Variants in TEX50 observed in about 807,000 individuals in gnomAD.
TEX50 encodes testis expressed 50.
Under a neutral mutation model 9.8 loss-of-function variants are expected in TEX50, and 3 were observed. That is an observed-to-expected ratio of 0.31 (90% confidence interval 0.14 to 0.79). TEX50 has a LOEUF of 0.79. Among genes scored for constraint, TEX50 ranks in the 30% least tolerant of loss-of-function variants. The pLI, the probability that TEX50 is intolerant of heterozygous loss-of-function variation, is 0.63. For missense variants in TEX50, 164 were observed against 199.3 expected (o/e 0.82, Z 1.07); for synonymous variants, 61 against 72.1 (o/e 0.85, Z 0.78).
Position 173,637,054 on chromosome 1 carries a change from T to C in TEX50, c.*18T>C. ...GATACTAAATAAATGCATATGCAAATGTAGCTTAGTCAATTATAGATATCA... is the reference window on the plus strand; with the variant it reads ...GATACTAAATAAATGCATATGCAAACGTAGCTTAGTCAATTATAGATATCA... On this transcript the variant is annotated 3_prime_UTR_variant, in exon 2 of 2. Transcript: ENST00000417563. 7.1e-7 allele frequency: 1 copy of C among 1,415,678 alleles called. No individual in the cohort carries two copies. The highest frequency in any genetic ancestry group is 9.6e-7 in the Non-Finnish European group (1 of 1,039,298). The allele number at this position is 1,415,678 out of a possible 1,614,324, so 87.7% of individuals were successfully genotyped here.
intron 1 of TEX50, 90 bp downstream of exon 1, chr1:173,635,935 T>C (rs905338707): frequency 4.4e-5 from 43 of 985,912 alleles, no homozygotes; most frequent in Non-Finnish European, 4.8e-5. Context: ...GGGTACCGTG[T>C]TTTATTCCTC....
Position 173,635,760 on chromosome 1 carries a change from A to G in TEX50, c.239A>G (p.Tyr80Cys). 1.3e-6 allele frequency: 2 copies of G among 1,535,524 alleles called. No individual in the cohort carries two copies. Residue 80 changes from tyrosine to cysteine, a missense_variant, in exon 1 of 2, where the codon TAT becomes TGT. Transcript: ENST00000417563. ...DIFQGCLYLI[Y>C]NLLQAVFFVL... is the part of the protein sequence containing the mutation. The stretch of plus-strand genomic sequence containing the variant: ...TTTCAGGGTTGTTTATATCTCATTT[A>G]TAATTTATTACAAGCTGTCTTCTTC...
In TEX50 at chr1:173,635,725, C is replaced by A. The variant is rs768824207; in HGVS notation, c.204C>A (p.Asn68Lys). Residue 68 changes from asparagine to lysine, a missense_variant, in exon 1 of 2, where the codon AAC becomes AAA. By Grantham distance (94) the Asn-to-Lys change is moderately conservative (BLOSUM62 0). Around this residue, in one of 3 missense-constraint regions of TEX50, gnomAD observed 135 missense variants for 154.2 expected, o/e 0.88. Transcript: ENST00000417563. ...ATAAACTATGCTGCGACTTTGCTAA[C>A]ATGGATATATTTCAGGGTTGTTTAT... ...LLDKLCCDFA[N>K]MDIFQGCLYL... is the part of the protein sequence containing the mutation. The A allele has an allele frequency of 1.5e-5, 23 of 1,535,470 alleles. No homozygotes were observed. The African/African-American group carries it at 1.8e-4, about 12-fold the overall frequency.
At position 173,635,604 on chromosome 1, in the gene TEX50, C is replaced by A; in HGVS notation, c.83C>A (p.Thr28Asn). 2 of 1,535,524 alleles carry A rather than the reference C, an allele frequency of 1.3e-6. No individual in the cohort carries two copies. The highest frequency in any genetic ancestry group is 1.7e-6 in the Non-Finnish European group (2 of 1,146,556). Residue 28 changes from threonine (T) to asparagine (N), a missense_variant, in exon 1 of 2, where the codon ACT becomes AAT. Physicochemically the swap from Thr to Asn is moderately conservative, Grantham distance 65. Around this residue, in one of 3 missense-constraint regions of TEX50, gnomAD observed 5 missense variants for 23.1 expected, o/e 0.22. Transcript: ENST00000417563. ...FGESFCICDGTVWTKVGWEIL... is the reference protein window; with the variant it reads ...FGESFCICDGNVWTKVGWEIL... The stretch of plus-strand genomic sequence containing the variant: ...GAGAGTTTCTGCATTTGTGATGGAA[C>A]TGTCTGGACAAAGGTTGGATGGGAG...
rs770731893 is a variant in TEX50, at chr1:173,635,778, T to C, written c.257T>C (p.Val86Ala). The C allele has an allele frequency of 1.0e-4, 158 of 1,535,452 alleles. No homozygotes were observed. The highest frequency in any genetic ancestry group is 1.7e-4 in the Middle Eastern group (1 of 6,004). Residue 86 changes from valine (V) to alanine (A), a missense_variant, in exon 1 of 2, where the codon GTC (valine) becomes GCC (alanine). Physicochemically the swap from Val to Ala is moderately conservative, Grantham distance 64. This residue lies in a region of TEX50 where 135 missense variants were observed against 154.2 expected (regional missense o/e 0.88). Coordinates refer to ENST00000417563, the MANE Select transcript of TEX50 (RefSeq NM_001195190.3). ...LYLIYNLLQA[V>A]FFVLFVLSVH... ...CTCATTTATAATTTATTACAAGCTGTCTTCTTCGTCTTATTTGTTTTGTCT... is the reference window on the plus strand; with the variant it reads ...CTCATTTATAATTTATTACAAGCTGCCTTCTTCGTCTTATTTGTTTTGTCT...
intron 1 of TEX50, among the ~76,000 whole-genome samples, chr1:173,636,520 A>G (rs1032176148): frequency 1.3e-5 from 2 of 152,196 alleles, no homozygotes; most frequent in African/African-American, 2.4e-5. Context: ...GTTCTTTCAT[A>G]AACGAATACA....
chr1:173,635,410 T>G lies in TEX50; in HGVS notation c.-112T>G. ...CCATTTTAACTAATAGCTCCTGGTA[T>G]TTTCTGCTTCCCTTCGTAGGGAATT... On this transcript the variant is annotated 5_prime_UTR_variant, in exon 1 of 2. Transcript: ENST00000417563. The G allele has an allele frequency of 1.2e-6, 1 of 856,178 alleles. No homozygotes were observed. The highest frequency in any genetic ancestry group is 1.7e-6 in the Non-Finnish European group (1 of 574,964). 53.0% of individuals were successfully genotyped at this position (856,178 alleles called of 1,614,324 possible).
At chr1:173,635,906 T>G in intron 1 of TEX50, 61 bp downstream of exon 1, 2 of 1,237,306 alleles carry the variant, frequency 1.6e-6, no homozygotes, top group Non-Finnish European at 2.2e-6. Flanking sequence ...AACATAATAT[T>G]ACTAGTTTCT....
At position 173,635,576 on chromosome 1, in the gene TEX50, G is replaced by A. The variant is rs777619605; in HGVS notation, c.55G>A (p.Gly19Arg). The A allele has an allele frequency of 7.2e-6, 11 of 1,534,740 alleles. No individual in the cohort carries two copies. The highest frequency in any genetic ancestry group is 1.7e-4 in the Middle Eastern group (1 of 6,004). Residue 19 changes from glycine to arginine, a missense_variant, in exon 1 of 2, where the codon GGG becomes AGG. By Grantham distance (125) the Gly-to-Arg change is moderately radical. This residue lies in a region of TEX50 where 24 missense variants were observed against 22.0 expected (regional missense o/e 1.09). Coordinates refer to ENST00000417563, the MANE Select transcript of TEX50 (RefSeq NM_001195190.3). Reference protein sequence around the residue: ...IFSLLFICFFGESFCICDGTV... With the variant: ...IFSLLFICFFRESFCICDGTV... ...TTCTCTGTTGTTTATCTGCTTCTTC[G>A]GGGAGAGTTTCTGCATTTGTGATGG...
In TEX50 at chr1:173,635,532, A is replaced by G. The variant is rs1024513336; in HGVS notation, c.11A>G (p.Gln4Arg). The change falls in exon 1 of 2, where the codon CAA becomes CGA. Residue 4 changes from glutamine to arginine, a missense_variant. Physicochemically the swap from Gln to Arg is conservative, Grantham distance 43. Around this residue, in one of 3 missense-constraint regions of TEX50, gnomAD observed 24 missense variants for 22.0 expected, o/e 1.09. Coordinates refer to ENST00000417563, the MANE Select transcript of TEX50 (RefSeq NM_001195190.3). ...AATTGACAAAGAAGGATGTCTAATC[A>G]AAGACTACCGCTGATTTTTTCTCTG... MSN[Q>R]RLPLIFSLLF... 10 of 1,522,700 alleles carry G rather than the reference A, an allele frequency of 6.6e-6. No homozygotes were observed. Among genetic ancestry groups the G allele is most frequent in the Non-Finnish European group, 8.8e-6 (10 of 1,139,244 alleles). The allele number at this position is 1,522,700 out of a possible 1,614,324, so 94.3% of individuals were successfully genotyped here.
Position 173,635,438 on chromosome 1 carries a change from G to A in TEX50, c.-84G>A, listed in dbSNP as rs923217768. The A allele has an allele frequency of 9.8e-7, 1 of 1,017,064 alleles. No homozygotes were observed. The highest frequency in any genetic ancestry group is 1.4e-6 in the Non-Finnish European group (1 of 718,972). The allele number at this position is 1,017,064 out of a possible 1,614,324, so 63.0% of individuals were successfully genotyped here. On this transcript the variant is annotated 5_prime_UTR_variant, in exon 1 of 2. Transcript: ENST00000417563. ...TCTGCTTCCCTTCGTAGGGAATTTA[G>A]TTATTTTATTTTATTATTTAGCTAA...
At position 173,635,427 on chromosome 1, in the gene TEX50, T is replaced by C; in HGVS notation, c.-95T>C. ...TCCTGGTATTTTCTGCTTCCCTTCG[T>C]AGGGAATTTAGTTATTTTATTTTAT... On this transcript the variant is annotated 5_prime_UTR_variant, in exon 1 of 2. Coordinates refer to ENST00000417563, the MANE Select transcript of TEX50 (RefSeq NM_001195190.3). 1 of 932,746 alleles carries C rather than the reference T, an allele frequency of 1.1e-6. No homozygotes were observed. Among genetic ancestry groups the C allele is most frequent in the Non-Finnish European group, 1.6e-6 (1 of 643,588 alleles). 57.8% of individuals were successfully genotyped at this position (932,746 alleles called of 1,614,324 possible). A position where few individuals can be genotyped will look rare whatever the true frequency, so the allele number is the denominator to read the frequency against.
chr1:173,636,891 T>C lies in TEX50; in HGVS notation c.389T>C (p.Ile130Thr). Residue 130 changes from isoleucine (I) to threonine (T), a missense_variant, in exon 2 of 2, where the codon ATT becomes ACT. Physicochemically the swap from Ile to Thr is moderately conservative, Grantham distance 89. Transcript: ENST00000417563. ...NDLESPLINN[I>T]DQTLHRVATT... ...CTAGAAAGCCCATTGATCAACAACA[T>C]TGACCAAACACTCCACAGAGTGGCA... 3 of 1,535,876 alleles carry C rather than the reference T, an allele frequency of 2.0e-6. No homozygotes were observed. The highest frequency in any genetic ancestry group is 2.6e-6 in the Non-Finnish European group (3 of 1,146,802).
In TEX50 at chr1:173,635,774, G is replaced by A; in HGVS notation, c.253G>A (p.Ala85Thr). The change falls in exon 1 of 2, where the codon GCT becomes ACT. Residue 85 changes from alanine (A) to threonine (T), a missense_variant. By Grantham distance (58) the Ala-to-Thr change is moderately conservative. This residue lies in a region of TEX50 where 135 missense variants were observed against 154.2 expected (regional missense o/e 0.88). Transcript: ENST00000417563. ...CLYLIYNLLQAVFFVLFVLSV... is the reference protein window; with the variant it reads ...CLYLIYNLLQTVFFVLFVLSV... ...ATATCTCATTTATAATTTATTACAA[G>A]CTGTCTTCTTCGTCTTATTTGTTTT... 1 of 1,535,410 alleles carries A rather than the reference G, an allele frequency of 6.5e-7. No individual in the cohort carries two copies. The highest frequency in any genetic ancestry group is 2.0e-5 in the Admixed American group (1 of 50,992).
chr1:173,636,251 T>C (rs926794328), intron 1 of TEX50, among the ~76,000 whole-genome samples: 7 of 152,166 alleles, frequency 4.6e-5, no homozygotes, highest in African/African-American at 1.7e-4. Context: ...GAAATCTAAG[T>C]ACAAAAGGTG....
In TEX50 at chr1:173,635,858, T is replaced by C. The variant is rs1289359014; in HGVS notation, c.324+13T>C. ...ACACCAAAAAAAGGTGAATTCGTGATACAAGTAGTAATAGTTACAAAATCT... is the reference window on the plus strand; with the variant it reads ...ACACCAAAAAAAGGTGAATTCGTGACACAAGTAGTAATAGTTACAAAATCT... On this transcript the variant is annotated intron_variant, in intron 1 of 1. Transcript: ENST00000417563. 5.3e-6 allele frequency: 8 copies of C among 1,497,326 alleles called. No individual in the cohort carries two copies. The African/African-American group carries it at 5.6e-5, about 10-fold the overall frequency. 92.8% of individuals were successfully genotyped at this position (1,497,326 alleles called of 1,614,324 possible).
chr1:173,636,755 TA>T, intron 1 of TEX50, 71 bp from the exon 2 acceptor site: 1 of 1,058,858 alleles, frequency 9.4e-7, no homozygotes, highest in South Asian at 1.6e-5. Flanking sequence ...TGAACTATAT[TA>T]TTAACTATAC....
intron 1 of TEX50, among the ~76,000 whole-genome samples, chr1:173,636,386 G>A (rs1558128792): frequency 6.6e-6 from 1 of 152,092 alleles, no homozygotes; most frequent in African/African-American, 2.4e-5. Flanking sequence ...AGTTTGAGAG[G>A]CAACCTTAAA....
Position 173,635,712 on chromosome 1 carries a change from G to A in TEX50, c.191G>A (p.Cys64Tyr). The A allele has an allele frequency of 6.5e-7, 1 of 1,535,594 alleles. No individual in the cohort carries two copies. The highest frequency in any genetic ancestry group is 8.7e-7 in the Non-Finnish European group (1 of 1,146,578). ...CLPYLLDKLC[C>Y]DFANMDIFQG... ...CCTTATCTTCTGGATAAACTATGCT[G>A]CGACTTTGCTAACATGGATATATTT... Residue 64 changes from cysteine to tyrosine, a missense_variant, in exon 1 of 2, where the codon TGC becomes TAC. Physicochemically the swap from Cys to Tyr is radical, Grantham distance 194. Transcript: ENST00000417563.
Sources: allele counts gnomAD v4.1 joint callset (sites outside exome capture counted in the v4.1 genomes callset), GRCh38; gene constraint gnomAD v4.1.1; regional missense constraint gnomAD v4.1.1; transcripts MANE v1.5; gene names NCBI Gene and HGNC (gene_info 2026-07-23, HGNC 2026-07-21).